Variants in ACACB observed in about 807,000 individuals in gnomAD.
ACACB encodes the protein acetyl-CoA carboxylase 2.
A neutral mutation model predicts 278.8 loss-of-function variants in ACACB; 209 were observed. The ratio of observed to expected loss-of-function variants is 0.75; its 90% CI spans 0.67 to 0.84. The LOEUF (loss-of-function observed/expected upper bound fraction) is 0.84, where lower values mean the gene tolerates loss of function less well. ACACB is among the 40% of genes least tolerant of loss of function. ACACB has a pLI of 0.00. For synonymous variants in ACACB, 1,174 were observed against 1,285.6 expected (o/e 0.91, Z 1.86); for missense variants, 2,850 against 3,269.0 (o/e 0.87, Z 3.13).
intron 18 of ACACB, among the ~76,000 whole-genome samples, chr12:109,201,238 A>C (rs537288426): frequency 7.2e-5 from 11 of 152,344 alleles, no homozygotes; most frequent in African/African-American, 2.6e-4. Flanking sequence ...CGTGTATATG[A>C]ACCACTCTAT....
intron 16 of ACACB, among the ~76,000 whole-genome samples, chr12:109,194,302 T>C (rs1319338446): frequency 1.3e-5 from 2 of 152,088 alleles, no homozygotes; most frequent in Non-Finnish European, 2.9e-5. Context: ...TTCAAGCAAT[T>C]CTTCTGTCTC....
rs1246655754 is a variant in ACACB, at chr12:109,209,282, T to A, written c.3178T>A (p.Ser1060Thr). 6 of 1,612,618 alleles carry A rather than the reference T, an allele frequency of 3.7e-6. No homozygotes were observed. The South Asian group carries it at 6.6e-5, about 18-fold the overall frequency. The change falls in exon 21 of 53, where the codon TCT becomes ACT. Residue 1060 changes from serine (S) to threonine (T), a missense_variant. Physicochemically the swap from Ser to Thr is moderately conservative, Grantham distance 58. Transcript: ENST00000338432. ...CCGCATCCCCGCCCCTGTGGAGAAG[T>A]CTGTCCGCAGGGTGATGGCCCAGTA... ...AGRIPAPVEK[S>T]VRRVMAQYAS...
At position 109,246,397 on chromosome 12, in the gene ACACB, G is replaced by C. The variant is rs751996107; in HGVS notation, c.5520G>C (p.Glu1840Asp). 1 of 1,613,736 alleles carries C rather than the reference G, an allele frequency of 6.2e-7. No individual in the cohort carries two copies. The highest frequency in any genetic ancestry group is 1.7e-5 in the Admixed American group (1 of 59,956). The change falls in exon 39 of 53, where the codon GAG (glutamate) becomes GAC (aspartate). Residue 1840 changes from glutamate (E) to aspartate (D), a missense_variant. Glu to Asp is a conservative substitution (Grantham distance 45). Coordinates refer to ENST00000338432, the MANE Select transcript of ACACB (RefSeq NM_001093.4). ...NSGARIGMAE[E>D]IKHMFHVAWV... ...GCGCCCGTATTGGCATGGCAGAGGA[G>C]ATCAAACACATGTTCCACGTGGCTT...
chr12:109,262,298 A>G (rs1175053782), intron 48 of ACACB, 59 bp from the exon 49 acceptor site: 1 of 1,367,580 alleles, frequency 7.3e-7, no homozygotes, highest in East Asian at 2.3e-5. Flanking sequence ...CACATCCATT[A>G]GCCCTTGCTT....
At chr12:109,112,048 A>C (rs982273168), upstream of ACACB, among the ~76,000 whole-genome samples, 1 of 151,902 alleles carries the variant, frequency 6.6e-6, no homozygotes, top group Non-Finnish European at 1.5e-5. Flanking sequence ...TTAGCTTTTC[A>C]CACTTCTCTC....
intron 7 of ACACB, among the ~76,000 whole-genome samples, chr12:109,174,563 AAGAC>A (rs2044222867): frequency 6.6e-6 from 1 of 151,564 alleles, no homozygotes; most frequent in Non-Finnish European, 1.5e-5. Flanking sequence ...AAAAAAAAAA[AAGAC>A]AGATCTTGGC....
chr12:109,265,450 G>A lies in ACACB; in HGVS notation c.7175G>A (p.Gly2392Glu). The change falls in exon 52 of 53, where the codon GGG (glycine) becomes GAG (glutamate). Residue 2392 changes from glycine to glutamate, a missense_variant. Transcript: ENST00000338432. ...VQWLEQHWQA[G>E]DGPRSTIREN... The stretch of plus-strand genomic sequence containing the variant: ...TGGCTGGAACAGCACTGGCAGGCAG[G>A]GGATGGCCCGCGCTCCACCATCCGT... The A allele has an allele frequency of 6.2e-7, 1 of 1,613,326 alleles. No homozygotes were observed. Among genetic ancestry groups the A allele is most frequent in the Non-Finnish European group, 8.5e-7 (1 of 1,179,806 alleles).
At chr12:109,216,244 C>T (rs1447275016) in intron 22 of ACACB, among the ~76,000 whole-genome samples, 34 of 114,664 alleles carry the variant, frequency 3.0e-4, no homozygotes, top group African/African-American at 8.7e-4. Context: ...TTTTTTGAGA[C>T]GGAGTCTTGC....
At chr12:109,173,891 G>A (rs1211134777) in intron 6 of ACACB, among the ~76,000 whole-genome samples, 1 of 152,202 alleles carries the variant, frequency 6.6e-6, no homozygotes, top group East Asian at 1.9e-4. Context: ...TGTAGCCTAG[G>A]TTGTAACTCA....
rs777459191 is a variant in ACACB at position 109,199,354 on chromosome 12, G to A, written c.2628-48G>A. ...TGAAAGCCGGACTAGGGCTTGCTGA[G>A]TTGGTAGTCCTCATCAGTCTCCCTA... On this transcript the variant is annotated intron_variant, in intron 17 of 52. Coordinates refer to ENST00000338432, the MANE Select transcript of ACACB (RefSeq NM_001093.4). 6 of 1,377,842 alleles carry A rather than the reference G, an allele frequency of 4.4e-6. No individual in the cohort carries two copies. In the East Asian group the frequency reaches 1.1e-4, roughly 25 times the overall value. 85.4% of individuals were successfully genotyped at this position (1,377,842 alleles called of 1,614,324 possible). A position where few individuals can be genotyped will look rare whatever the true frequency, so the allele number is the denominator to read the frequency against.
At chr12:109,157,372 A>C (rs1031664771) in intron 2 of ACACB, among the ~76,000 whole-genome samples, 1 of 151,926 alleles carries the variant, frequency 6.6e-6, no homozygotes, top group Non-Finnish European at 1.5e-5. Context: ...CTCCGGGCTC[A>C]AGCAGTCCTC....
At chr12:109,170,679 T>C (rs2044081413) in intron 4 of ACACB, among the ~76,000 whole-genome samples, 1 of 152,136 alleles carries the variant, frequency 6.6e-6, no homozygotes, top group African/African-American at 2.4e-5. Context: ...TTCATGAGTA[T>C]AGAGCTTCAG....
At chr12:109,236,353 C>G (rs1325069256) in intron 33 of ACACB, 3 of 152,356 alleles carry the variant, frequency 2.0e-5, no homozygotes, top group African/African-American at 7.2e-5. Context: ...TCAGTACTTG[C>G]TGATGTACTC....
At chr12:109,199,058 T>C (rs527847975) in intron 17 of ACACB, among the ~76,000 whole-genome samples, 36 of 151,890 alleles carry the variant, frequency 2.4e-4, no homozygotes, top group Admixed American at 5.9e-4. Context: ...GATGTGGTGG[T>C]GGGCGCCTGT....
intron 47 of ACACB, among the ~76,000 whole-genome samples, chr12:109,259,312 C>T (rs1047127452): frequency 6.6e-6 from 1 of 152,140 alleles, no homozygotes; most frequent in African/African-American, 2.4e-5. Flanking sequence ...GTGGCAGACA[C>T]CTGTAATCCC....
intron 11 of ACACB, among the ~76,000 whole-genome samples, chr12:109,184,722 T>A (rs78005446): frequency 6.6e-6 from 1 of 151,736 alleles, no homozygotes; most frequent in African/African-American, 2.4e-5. Flanking sequence ...TTTTTTTTTT[T>A]TGGTGATGGA....
At position 109,241,233 on chromosome 12, in the gene ACACB, C is replaced by T; in HGVS notation, c.4974C>T (p.Tyr1658=). The part of the protein sequence containing the change: ...RLFITNESGY[Y]LDISLYKEVT... ...TCATCACCAATGAGTCGGGCTACTA[C>T]CTGGACATCAGCCTCTACAAAGAAG... Residue 1658 remains tyrosine, a synonymous_variant, in exon 36 of 53, where the codon TAC becomes TAT. Coordinates refer to ENST00000338432, the MANE Select transcript of ACACB (RefSeq NM_001093.4). 1 of 1,614,188 alleles carries T rather than the reference C, an allele frequency of 6.2e-7. No homozygotes were observed. The highest frequency in any genetic ancestry group is 8.5e-7 in the Non-Finnish European group (1 of 1,180,048).
intron 13 of ACACB, chr12:109,191,383 T>A: frequency 4.9e-6 from 2 of 404,604 alleles, no homozygotes; most frequent in East Asian, 1.1e-4. Flanking sequence ...TGAGCTAAGT[T>A]TTGTATTTTT....
At chr12:109,210,362 T>G (rs188445136) in intron 21 of ACACB, among the ~76,000 whole-genome samples, 3 of 138,472 alleles carry the variant, frequency 2.2e-5, no homozygotes, top group Non-Finnish European at 4.6e-5. Context: ...TCTGTGTATA[T>G]ATGTATATAC....
Sources: allele counts gnomAD v4.1 joint callset (sites outside exome capture counted in the v4.1 genomes callset), GRCh38; gene constraint gnomAD v4.1.1; transcripts MANE v1.5; gene names NCBI Gene and HGNC (gene_info 2026-07-23, HGNC 2026-07-21).